The following DAB1 variants were observed in gnomAD, a reference collection of about 807,000 sequenced individuals.
DAB1 encodes disabled homolog 1.
DAB1 carries 15 observed loss-of-function variants against 64.6 expected under a neutral mutation model. The ratio of observed to expected loss-of-function variants is 0.23; its 90% CI spans 0.16 to 0.36. The LOEUF (loss-of-function observed/expected upper bound fraction) is 0.36, where lower values mean the gene tolerates loss of function less well. DAB1 is among the 10% of genes least tolerant of loss of function. The probability of loss-of-function intolerance (pLI) is 1.00; values close to 1 mark genes in which losing one functional copy is unlikely to be tolerated. For missense variants in DAB1, 596 were observed against 706.7 expected (o/e 0.84, Z 1.78); for synonymous variants, 235 against 251.9 (o/e 0.93, Z 0.64).
intron 7 of DAB1, among the ~76,000 whole-genome samples, chr1:57,477,177 ACATG>A (rs1171143004): frequency 6.6e-6 from 1 of 152,178 alleles, no homozygotes; most frequent in Non-Finnish European, 1.5e-5. Context: ...GGCATGAACA[ACATG>A]CAAAACGGTT....
intron 3 of DAB1, among the ~76,000 whole-genome samples, chr1:58,503,922 C>T (rs979541802): frequency 9.9e-5 from 15 of 152,180 alleles, no homozygotes; most frequent in African/African-American, 3.4e-4. Context: ...CCTAAATTAC[C>T]AACAAATCCT....
intron 3 of DAB1, among the ~76,000 whole-genome samples, chr1:58,391,647 T>C (rs905071929): frequency 3.0e-4 from 46 of 152,188 alleles, no homozygotes; most frequent in African/African-American, 1.1e-3. Context: ...CAAGCCTCAA[T>C]CTCCACCCTA....
chr1:58,331,406 A>C (rs971940331), intron 4 of DAB1, among the ~76,000 whole-genome samples: 2 of 152,236 alleles, frequency 1.3e-5, no homozygotes, highest in African/African-American at 2.4e-5. Context: ...GTAGTACACA[A>C]ATTTAGTAGA....
intron 6 of DAB1, among the ~76,000 whole-genome samples, chr1:57,650,914 C>T (rs1386029919): frequency 6.6e-6 from 1 of 152,098 alleles, no homozygotes; most frequent in Admixed American, 6.6e-5. Flanking sequence ...TTCCCCTGAA[C>T]CTAGTCAGAG....
At chr1:58,152,214 T>C (rs1208947142) in intron 4 of DAB1, among the ~76,000 whole-genome samples, 1 of 152,124 alleles carries the variant, frequency 6.6e-6, no homozygotes, top group Non-Finnish European at 1.5e-5. Flanking sequence ...CACAGGGACA[T>C]ACTATACCCC....
chr1:57,859,367 A>T (rs1653903616), intron 1 of DAB1, among the ~76,000 whole-genome samples: 2 of 152,112 alleles, frequency 1.3e-5, no homozygotes, highest in Admixed American at 1.3e-4. Flanking sequence ...CTTATTAATT[A>T]TTTTTAAATA....
chr1:57,317,405 A>C (rs113399927), intron 1 of DAB1, among the ~76,000 whole-genome samples: 2 of 152,324 alleles, frequency 1.3e-5, no homozygotes, highest in African/African-American at 4.8e-5. Flanking sequence ...TGTTAGAGTA[A>C]TTTGTTATGC....
At chr1:57,266,964 A>G (rs1390135187) in intron 2 of DAB1, among the ~76,000 whole-genome samples, 2 of 152,152 alleles carry the variant, frequency 1.3e-5, no homozygotes, top group African/African-American at 4.8e-5. Flanking sequence ...AGCCCTTTAG[A>G]TACTGTAGTG....
intron 6 of DAB1, among the ~76,000 whole-genome samples, chr1:57,777,109 C>T (rs1160834192): frequency 3.0e-5 from 4 of 131,398 alleles, no homozygotes; most frequent in Admixed American, 7.5e-5. Context: ...TTTTAAAGCA[C>T]GTTAAAGATT....
chr1:57,067,013 TAA>T (rs35026009), intron 8 of DAB1, among the ~76,000 whole-genome samples: 2 of 150,014 alleles, frequency 1.3e-5, no homozygotes, highest in African/African-American at 2.4e-5. Flanking sequence ...TACAAGCCCT[TAA>T]AAAAAAAATG....
Position 57,744,274 on chromosome 1 carries a change from T to C in DAB1, n.552-94609A>G, listed in dbSNP as rs562173921. On this transcript the variant is annotated intron_variant and non_coding_transcript_variant, in intron 6 of 20. Transcript: ENST00000485760. ...TCAGGATGCAGGTTTAGCCTAAAGA[T>C]ACCTCTGGTGAGCAGAGAACCACGT... is the stretch of plus-strand genomic sequence containing the variant. Among the ~76,000 whole-genome samples, 7 of 152,302 alleles carry C rather than the reference T, an allele frequency of 4.6e-5. No homozygotes were observed. The South Asian group carries it at 1.4e-3, about 32-fold the overall frequency.
intron 5 of DAB1, among the ~76,000 whole-genome samples, chr1:58,117,035 C>T (rs890253731): frequency 1.3e-5 from 2 of 152,216 alleles, no homozygotes; most frequent in African/African-American, 4.8e-5. Flanking sequence ...TGCTGGCATA[C>T]TCATTTGCTC....
intron 9 of DAB1, among the ~76,000 whole-genome samples, chr1:57,061,235 G>T (rs954217145): frequency 9.9e-5 from 15 of 151,038 alleles, no homozygotes; most frequent in Admixed American, 4.6e-4. Flanking sequence ...AGATGGGGGG[G>T]GGGGGTGGTT....
intron 5 of DAB1, among the ~76,000 whole-genome samples, chr1:58,095,669 A>G (rs1650934934): frequency 6.6e-6 from 1 of 152,236 alleles, no homozygotes; most frequent in African/African-American, 2.4e-5. Flanking sequence ...GATATTGTTA[A>G]GTATCCCACC....
At chr1:57,336,885 C>T (rs902481467) in intron 1 of DAB1, among the ~76,000 whole-genome samples, 1 of 152,166 alleles carries the variant, frequency 6.6e-6, no homozygotes, top group African/African-American at 2.4e-5. Flanking sequence ...TGCTCAAGGT[C>T]GCCCTCCCAG....
chr1:57,616,389 G>T (rs547881576), intron 7 of DAB1, among the ~76,000 whole-genome samples: 1 of 146,196 alleles, frequency 6.8e-6, no homozygotes, highest in African/African-American at 2.4e-5. Context: ...TTCGTTTCCT[G>T]CATATTGAAT....
intron 6 of DAB1, among the ~76,000 whole-genome samples, chr1:57,707,508 T>C (rs1257588045): frequency 3.3e-5 from 5 of 152,148 alleles, no homozygotes; most frequent in Admixed American, 3.3e-4. Context: ...TTTTTGTGAA[T>C]CGAGGTTTTC....
chr1:57,313,910 G>A (rs1436670809), intron 1 of DAB1, among the ~76,000 whole-genome samples: 1 of 152,178 alleles, frequency 6.6e-6, no homozygotes, highest in Non-Finnish European at 1.5e-5. Flanking sequence ...AAGTTACAGT[G>A]AGAAGGTGCC....
At chr1:58,379,788 C>CGGTATA (rs1644371012) in intron 3 of DAB1, among the ~76,000 whole-genome samples, 2 of 152,110 alleles carry the variant, frequency 1.3e-5, no homozygotes, top group Non-Finnish European at 2.9e-5. Context: ...TAGGAAAACA[C>CGGTATA]GGTATATGGA....
Sources: allele counts gnomAD v4.1 joint callset (sites outside exome capture counted in the v4.1 genomes callset), GRCh38; gene constraint gnomAD v4.1.1; transcripts MANE v1.5; gene names NCBI Gene and HGNC (gene_info 2026-07-23, HGNC 2026-07-21).